The following UNC5A variants were observed in gnomAD, a reference collection of about 807,000 sequenced individuals.
UNC5A encodes the protein unc-5 netrin receptor A, also known as netrin receptor UNC5A.
UNC5A carries 20 observed loss-of-function variants against 87.4 expected under a neutral mutation model. That is an observed-to-expected ratio of 0.23 (90% CI 0.16 to 0.33). UNC5A has a LOEUF of 0.33. Among genes scored for constraint, UNC5A ranks in the 10% least tolerant of loss-of-function variants. The pLI, the probability that UNC5A is intolerant of heterozygous loss-of-function variation, is 1.00. For synonymous variants in UNC5A, 438 were observed against 482.3 expected, an observed-to-expected ratio of 0.91 and a Z score of 1.20; for missense variants, 844 against 1,133.4, an observed-to-expected ratio of 0.74 and a Z score of 3.67.
rs775882588 is a variant in UNC5A at position 176,879,906 on chromosome 5, C to T, written c.*20C>T. 1 of 1,604,024 alleles carries T rather than the reference C, an allele frequency of 6.2e-7. No homozygotes were observed. The highest frequency in any genetic ancestry group is 2.2e-5 in the East Asian group (1 of 44,648). On this transcript the variant is annotated 3_prime_UTR_variant, in exon 15 of 15. Coordinates refer to ENST00000329542, the MANE Select transcript of UNC5A (RefSeq NM_133369.3). Reference sequence around the variant, plus strand: ...TGCTGAGGCCGGCCAGGCCCGACACCTACACTCTCACCAGCTTTGGCACCC... The same window carrying T: ...TGCTGAGGCCGGCCAGGCCCGACACTTACACTCTCACCAGCTTTGGCACCC...
chr5:176,831,361 C>T lies in UNC5A; in HGVS notation c.70+20541C>T, dbSNP rs183604741. On this transcript the variant is annotated intron_variant, in intron 1 of 14. Transcript: ENST00000329542. ...GGGCCCCTCTCCCTGTCCCTGGGGC[C>T]AGGGCTCCAATGCCAGGGACCTGGC... Among the ~76,000 whole-genome samples, 250 of 152,264 alleles carry T rather than the reference C, an allele frequency of 1.6e-3. 1 individual carries two copies. The highest frequency in any genetic ancestry group is 5.7e-3 in the African/African-American group (236 of 41,548).
rs548281759 is a variant in UNC5A at position 176,870,708 on chromosome 5, C to T, written c.886+174C>T. ...GCATACCTGCACATGGGCCCAGGCG[C>T]GCCCCACCACCTCCCATGCCTCCTG... On this transcript the variant is annotated intron_variant, in intron 6 of 14. Transcript: ENST00000329542. 4.6e-5 allele frequency among the ~76,000 whole-genome samples: 7 copies of T among 152,114 alleles called. No individual in the cohort carries two copies. In the East Asian group the frequency reaches 1.2e-3, roughly 25 times the overall value.
chr5:176,843,515 G>A (rs1757330772), intron 1 of UNC5A, among the ~76,000 whole-genome samples: 1 of 152,220 alleles, frequency 6.6e-6, no homozygotes, highest in South Asian at 2.1e-4. Context: ...TCTTGATGCT[G>A]GTGGTGGATA....
intron 1 of UNC5A, among the ~76,000 whole-genome samples, chr5:176,816,848 GTGGAA>G (rs1756598900): frequency 1.3e-5 from 2 of 152,256 alleles, no homozygotes; most frequent in Non-Finnish European, 2.9e-5. Flanking sequence ...GGCTGTCTTT[GTGGAA>G]GACGGAGCGA....
intron 1 of UNC5A, among the ~76,000 whole-genome samples, chr5:176,813,743 C>G (rs914577353): frequency 2.0e-5 from 3 of 152,374 alleles, no homozygotes; most frequent in South Asian, 2.1e-4. Context: ...GACCCTTCTT[C>G]CTGCCTAGTG....
In UNC5A at chr5:176,873,985, G is replaced by A; in HGVS notation, c.904G>A (p.Asp302Asn). 1 of 1,613,642 alleles carries A rather than the reference G, an allele frequency of 6.2e-7. No homozygotes were observed. Residue 302 changes from aspartate to asparagine, a missense_variant, in exon 7 of 15, where the codon GAC (aspartate) becomes AAC (asparagine). Asp to Asn is a conservative substitution (Grantham distance 23). Coordinates refer to ENST00000329542, the MANE Select transcript of UNC5A (RefSeq NM_133369.3). ...LCVHTASGPE[D>N]VALYVGLIAV... ...TCCCGCAGCTGCTTCTGGCCCTGAG[G>A]ACGTGGCCCTCTATGTGGGCCTCAT...
rs78986039 is a variant in UNC5A at position 176,841,201 on chromosome 5, C to G, written c.71-21423C>G. The stretch of plus-strand genomic sequence containing the variant: ...TAAAGTTGCAGGGGGCACCAGATGT[C>G]TGTTCTAATTTATTTCCTTTGAGCC... On this transcript the variant is annotated intron_variant, in intron 1 of 14. Coordinates refer to ENST00000329542, the MANE Select transcript of UNC5A (RefSeq NM_133369.3). This position sits in a 1 kb window ranked among gnomAD's most constrained non-coding sequence, Gnocchi z 4.1. Among the ~76,000 whole-genome samples, 3,242 of 152,312 alleles carry G rather than the reference C, an allele frequency of 0.021. 107 individuals are homozygous for G. Among genetic ancestry groups the G allele is most frequent in the African/African-American group, 0.073 (3,051 of 41,540 alleles).
chr5:176,848,958 C>T lies in UNC5A; in HGVS notation c.71-13666C>T, dbSNP rs1050130506. Among the ~76,000 whole-genome samples the T allele has an allele frequency of 9.9e-5, 15 of 152,252 alleles. No individual in the cohort carries two copies. Among genetic ancestry groups the T allele is most frequent in the African/African-American group, 3.6e-4 (15 of 41,462 alleles). On this transcript the variant is annotated intron_variant, in intron 1 of 14. Transcript: ENST00000329542. The surrounding 1 kb of genome is among the most constrained non-coding windows in gnomAD (Gnocchi z 5.8). ...TGGGGCAATGGACAGCCGACCTCTC[C>T]GCCTCTGTCCAGGCCCAGGGGCCTT...
At chr5:176,878,436 T>C (rs1160521505) in intron 12 of UNC5A, 39 bp from the exon 13 acceptor site, 3 of 1,612,024 alleles carry the variant, frequency 1.9e-6, no homozygotes, top group South Asian at 2.2e-5. Context: ...GGCCTGGAGC[T>C]TGGGCTCACC....
At chr5:176,832,294 A>G (rs1176193085) in intron 1 of UNC5A, among the ~76,000 whole-genome samples, 2 of 152,148 alleles carry the variant, frequency 1.3e-5, no homozygotes, top group Non-Finnish European at 2.9e-5. Flanking sequence ...TGGAGAAGTC[A>G]GGTGTTTGGC....
chr5:176,875,865 G>T lies in UNC5A; in HGVS notation c.1378+1299G>T, dbSNP rs536887298. 3.3e-5 allele frequency among the ~76,000 whole-genome samples: 5 copies of T among 152,292 alleles called. No homozygotes were observed. Among genetic ancestry groups the T allele is most frequent in the Admixed American group, 2.6e-4 (4 of 15,300 alleles). ...GCTGGGACTTCTCTTTTGGGTCCCCGCCTGACAGCTCTTGCCGTCTGTGCC... is the reference window on the plus strand; with the variant it reads ...GCTGGGACTTCTCTTTTGGGTCCCCTCCTGACAGCTCTTGCCGTCTGTGCC... On this transcript the variant is annotated intron_variant, in intron 8 of 14. Transcript: ENST00000329542. The surrounding 1 kb of genome is among the most constrained non-coding windows in gnomAD (Gnocchi z 5.2).
In UNC5A at chr5:176,880,063, A is replaced by C; in HGVS notation, c.*177A>C. The C allele has an allele frequency of 6.3e-5, 50 of 790,442 alleles. No homozygotes were observed. The highest frequency in any genetic ancestry group is 8.0e-4 in the Middle Eastern group (2 of 2,498). 49.0% of individuals were successfully genotyped at this position (790,442 alleles called of 1,614,324 possible). A position where few individuals can be genotyped will look rare whatever the true frequency, so the allele number is the denominator to read the frequency against. ...ACCCTGCCCGAACTCCCACCTCTCC[A>C]TGGCCTGCCTAGCCAGGCTGGCACT... On this transcript the variant is annotated 3_prime_UTR_variant, in exon 15 of 15. Transcript: ENST00000329542.
intron 1 of UNC5A, among the ~76,000 whole-genome samples, chr5:176,853,924 A>G (rs62402767): frequency 0.11 from 16,938 of 152,228 alleles, 1,144 homozygotes; most frequent in East Asian, 0.22. Context: ...GCACTCCCGA[A>G]AAACCTCATC....
chr5:176,815,222 A>C (rs749946449), intron 1 of UNC5A, among the ~76,000 whole-genome samples: 16 of 152,284 alleles, frequency 1.1e-4, no homozygotes, highest in South Asian at 2.1e-4. Context: ...CACAGCTCCT[A>C]CGTGGGGTGG....
rs780065528 is a variant in UNC5A, at chr5:176,877,275, G to A, written c.1462G>A (p.Val488Met). Reference sequence around the variant, plus strand: ...CCTCACGCTGCACAAGCCGGAAGACGTGAGGTGTGGCCGCGGGCCCTGTTG... The same window carrying A: ...CCTCACGCTGCACAAGCCGGAAGACATGAGGTGTGGCCGCGGGCCCTGTTG... ...IYLTLHKPED[V>M]RLPLAGCQTL... Residue 488 changes from valine to methionine, a missense_variant, in exon 9 of 15, where the codon GTG (valine) becomes ATG (methionine). Physicochemically the swap from Val to Met is conservative, Grantham distance 21. This residue lies in a region of UNC5A where 353 missense variants were observed against 387.5 expected (regional missense o/e 0.91). Coordinates refer to ENST00000329542, the MANE Select transcript of UNC5A (RefSeq NM_133369.3). 21 of 1,611,856 alleles carry A rather than the reference G, an allele frequency of 1.3e-5. No homozygotes were observed. Among genetic ancestry groups the A allele is most frequent in the South Asian group, 4.4e-5 (4 of 91,076 alleles).
At chr5:176,870,078 T>C (rs1029228859) in intron 5 of UNC5A, among the ~76,000 whole-genome samples, 1 of 152,004 alleles carries the variant, frequency 6.6e-6, no homozygotes, top group African/African-American at 2.4e-5. Context: ...TTCAGAAGGG[T>C]CAACGTGTGA....
At chr5:176,852,051 A>G (rs1166638095) in intron 1 of UNC5A, among the ~76,000 whole-genome samples, 1 of 152,184 alleles carries the variant, frequency 6.6e-6, no homozygotes, top group African/African-American at 2.4e-5. Flanking sequence ...TCGTGTTCCC[A>G]GCGCCCTGCC....
intron 2 of UNC5A, 101 bp downstream of exon 2, chr5:176,862,946 C>A (rs1757879228): frequency 7.1e-7 from 1 of 1,401,208 alleles, no homozygotes; most frequent in East Asian, 2.3e-5. Flanking sequence ...CACCTGGGAC[C>A]CCGGAGGCCT....
chr5:176,837,751 C>T (rs1008908430), intron 1 of UNC5A, among the ~76,000 whole-genome samples: 9 of 152,112 alleles, frequency 5.9e-5, no homozygotes, highest in African/African-American at 2.2e-4. Context: ...CCACAGATAG[C>T]GGTCCTGGAC....
Sources: gnomAD v4.1 joint callset for allele counts (sites outside exome capture counted in the v4.1 genomes callset) on GRCh38, gnomAD v4.1.1 for gene constraint, gnomAD v4.1.1 regional missense constraint, Gnocchi (gnomAD v3.1) non-coding constraint, MANE v1.5 for transcripts, NCBI Gene and HGNC (gene_info 2026-07-23, HGNC 2026-07-21) for gene names.